Variants in CEP95 observed in about 807,000 individuals in gnomAD.
The protein encoded by CEP95 is centrosomal protein 95.
CEP95 carries 98 observed loss-of-function variants against 111.2 expected under a neutral mutation model. That is an observed-to-expected ratio of 0.88 (90% CI 0.75 to 1.04). The LOEUF (loss-of-function observed/expected upper bound fraction) is 1.04, where lower values mean the gene tolerates loss of function less well. Among genes scored for constraint, CEP95 ranks in the 50% least tolerant of loss-of-function variants. The probability of loss-of-function intolerance (pLI) is 0.00; values close to 1 mark genes in which losing one functional copy is unlikely to be tolerated. For missense variants in CEP95, 1,027 were observed against 977.2 expected (o/e 1.05, Z -0.68); for synonymous variants, 323 against 327.1 (o/e 0.99, Z 0.14).
chr17:64,536,522 G>T (rs9905605), intron 17 of CEP95, 80 bp from the exon 18 acceptor site: 50,436 of 992,696 alleles, frequency 0.051, 3,304 homozygotes, highest in African/African-American at 0.26. Context: ...AAAAACCTTG[G>T]GAAATACAAT....
Position 64,522,761 on chromosome 17 carries a change from G to A in CEP95, c.775G>A (p.Ala259Thr). ...NARKLGEPIR[A>T]AIPLHPPYHP... ...TAGGAAGCTAGGGGAGCCTATCCGA[G>A]CAGCTATTCCTTTACATCCACCCTA... Residue 259 changes from alanine (A) to threonine (T), a missense_variant, in exon 8 of 20, where the codon GCA becomes ACA. Transcript: ENST00000556440. The A allele has an allele frequency of 6.2e-7, 1 of 1,613,844 alleles. No homozygotes were observed. Among genetic ancestry groups the A allele is most frequent in the Non-Finnish European group, 8.5e-7 (1 of 1,179,842 alleles).
intron 6 of CEP95, among the ~76,000 whole-genome samples, chr17:64,519,668 C>T (rs550372874): frequency 1.3e-5 from 2 of 152,236 alleles, no homozygotes; most frequent in East Asian, 3.9e-4. Flanking sequence ...AGGTAATTTG[C>T]GGTTCCTTAT....
At chr17:64,512,635 A>C (rs534552350) in intron 3 of CEP95, among the ~76,000 whole-genome samples, 18 of 152,348 alleles carry the variant, frequency 1.2e-4, no homozygotes, top group African/African-American at 4.3e-4. Flanking sequence ...AAAGGAGATA[A>C]ATGTTAATCA....
chr17:64,527,029 C>T (rs1193483752), intron 10 of CEP95, 82 bp from the exon 11 acceptor site: 9 of 1,124,734 alleles, frequency 8.0e-6, no homozygotes, highest in Admixed American at 2.2e-5. Flanking sequence ...TCAAAGGAAG[C>T]TTTTTTAAAG....
At position 64,514,242 on chromosome 17, in the gene CEP95, C is replaced by G; in HGVS notation, c.257-6C>G. 1.7e-6 allele frequency: 2 copies of G among 1,162,332 alleles called. No individual in the cohort carries two copies. Among genetic ancestry groups the G allele is most frequent in the Non-Finnish European group, 2.5e-6 (2 of 795,780 alleles). The allele number at this position is 1,162,332 out of a possible 1,614,324, so 72.0% of individuals were successfully genotyped here. A position where few individuals can be genotyped will look rare whatever the true frequency, so the allele number is the denominator to read the frequency against. ...ATTTTTTAATAGCTCTATATTCTGT[C>G]TCCAGGAGAAAATATAGTGAAAGGA... On this transcript the variant is annotated splice_region_variant and splice_polypyrimidine_tract_variant and intron_variant, in intron 3 of 19. Coordinates refer to ENST00000556440, the MANE Select transcript of CEP95 (RefSeq NM_138363.3).
intron 16 of CEP95, 114 bp from the exon 17 acceptor site, chr17:64,534,471 A>T: frequency 1.1e-6 from 1 of 942,518 alleles, no homozygotes; most frequent in Non-Finnish European, 1.6e-6. Flanking sequence ...CTGGCCCCCC[A>T]CACGTGACAT....
chr17:64,516,338 G>A (rs575439030), intron 4 of CEP95, among the ~76,000 whole-genome samples: 2 of 152,312 alleles, frequency 1.3e-5, no homozygotes, highest in Admixed American at 1.3e-4. Context: ...GATACAGCCT[G>A]ACTCAGCCTA....
intron 15 of CEP95, 52 bp downstream of exon 15, chr17:64,533,060 C>T: frequency 3.1e-6 from 5 of 1,604,788 alleles, no homozygotes; most frequent in South Asian, 1.1e-5. Context: ...AGAGCTTATC[C>T]TTAAGAATTT....
At chr17:64,508,797 G>A in intron 2 of CEP95, 77 bp downstream of exon 2, 1 of 604,316 alleles carries the variant, frequency 1.7e-6, no homozygotes, top group East Asian at 3.8e-5. Flanking sequence ...TAGATTCTTT[G>A]ATATTTATAA....
intron 1 of CEP95, 88 bp from the exon 2 acceptor site, chr17:64,508,504 G>T (rs781946250): frequency 8.2e-7 from 1 of 1,217,908 alleles, no homozygotes. Context: ...TGTTTTTGTT[G>T]GGGGGGAGGT....
chr17:64,520,425 A>G (rs1248210927), intron 6 of CEP95: 1 of 150,944 alleles, frequency 6.6e-6, no homozygotes, highest in African/African-American at 2.4e-5. Context: ...ATTCACAGGC[A>G]TCTAATTTAA....
intron 8 of CEP95, 56 bp downstream of exon 8, chr17:64,522,951 TGTGTGTGTTGGTAATTGATTAGAAGGCC>T (rs1461894707): frequency 1.5e-6 from 2 of 1,361,058 alleles, no homozygotes; most frequent in East Asian, 4.9e-5. Context: ...TGTATGTCTG[TGTGTGTGTTGGTAATTGATTAGAAGGCC>T]GTGTGTGTGT....
chr17:64,506,775 C>T, upstream of CEP95: 2 of 525,764 alleles, frequency 3.8e-6, no homozygotes, highest in South Asian at 4.3e-5. Flanking sequence ...CTGCTCGCAC[C>T]CCGGGACCCG....
chr17:64,537,341 A>C (rs1297270617), intron 19 of CEP95: 21 of 1,406,206 alleles, frequency 1.5e-5, no homozygotes, highest in Non-Finnish European at 1.9e-5. Context: ...CACATGACTA[A>C]TTTACATTTT....
intron 18 of CEP95, 50 bp from the exon 19 acceptor site, chr17:64,536,991 G>T: frequency 6.6e-7 from 1 of 1,507,220 alleles, no homozygotes; most frequent in Non-Finnish European, 9.0e-7. Context: ...TGTTACATTT[G>T]GACTACAAAC....
intron 3 of CEP95, among the ~76,000 whole-genome samples, chr17:64,512,494 A>C (rs570285011): frequency 1.3e-5 from 2 of 152,332 alleles, no homozygotes; most frequent in Admixed American, 1.3e-4. Context: ...TGTGTATTTC[A>C]TTTATGTTTA....
rs74502377 is a variant in CEP95 at position 64,525,656 on chromosome 17, C to T, written c.910-114C>T. 4.4e-3 allele frequency: 2,810 copies of T among 632,596 alleles called. 49 individuals carry two copies. The East Asian group carries it at 0.058, about 13-fold the overall frequency. 39.2% of individuals were successfully genotyped at this position (632,596 alleles called of 1,614,324 possible). A position where few individuals can be genotyped will look rare whatever the true frequency, so the allele number is the denominator to read the frequency against. ...CTTTTGACAAATGCACTTCAAAACACGGAGATTGAAGGCACGTAGCTTTGT... is the reference window on the plus strand; with the variant it reads ...CTTTTGACAAATGCACTTCAAAACATGGAGATTGAAGGCACGTAGCTTTGT... On this transcript the variant is annotated intron_variant, in intron 8 of 19. Coordinates refer to ENST00000556440, the MANE Select transcript of CEP95 (RefSeq NM_138363.3).
intron 1 of CEP95, chr17:64,507,479 T>G: frequency 8.0e-7 from 1 of 1,246,126 alleles, no homozygotes. Flanking sequence ...AGGTCGTACC[T>G]GCTTTTGTAT....
At chr17:64,532,099 C>T in intron 14 of CEP95, 77 bp downstream of exon 14, 1 of 1,415,054 alleles carries the variant, frequency 7.1e-7, no homozygotes, top group South Asian at 1.8e-5. Context: ...GGACACAGCA[C>T]TGAAAGCTAA....
Sources: gnomAD v4.1 joint callset for allele counts (sites outside exome capture counted in the v4.1 genomes callset) on GRCh38, gnomAD v4.1.1 for gene constraint, MANE v1.5 for transcripts, NCBI Gene and HGNC (gene_info 2026-07-23, HGNC 2026-07-21) for gene names.